PCDHGA4: variants seen among roughly 807,000 people sequenced by gnomAD.
PCDHGA4 encodes the protein protocadherin gamma subfamily A, 4.
Under a neutral mutation model 54.6 loss-of-function variants are expected in PCDHGA4, and 38 were observed. The ratio of observed to expected loss-of-function variants is 0.70; its 90% CI spans 0.54 to 0.91. PCDHGA4 has a LOEUF of 0.91. Ranked by LOEUF, PCDHGA4 falls within the 40% of genes least tolerant of loss-of-function variation. PCDHGA4 has a pLI of 0.00. For synonymous variants in PCDHGA4, 511 were observed against 512.9 expected, an observed-to-expected ratio of 1.00 and a Z score of 0.05; for missense variants, 1,298 against 1,220.9, an observed-to-expected ratio of 1.06 and a Z score of -0.94.
At position 141,486,761 on chromosome 5, in the gene PCDHGA4, A is replaced by G. The variant is rs1368106682; in HGVS notation, c.2515-8046A>G. 1 of 1,614,114 alleles carries G rather than the reference A, an allele frequency of 6.2e-7. No homozygotes were observed. The highest frequency in any genetic ancestry group is 8.5e-7 in the Non-Finnish European group (1 of 1,180,056). ...ATCCTTTGACTATGAGCAAACCCAG[A>G]CACTGCAGTTTGAGGTGCAGGCCCG... On this transcript the variant is annotated intron_variant, in intron 1 of 3. Transcript: ENST00000571252. The surrounding 1 kb of genome is among the most constrained non-coding windows in gnomAD (Gnocchi z 5.0).
intron 1 of PCDHGA4, chr5:141,364,483 C>T: frequency 1.9e-6 from 3 of 1,614,024 alleles, no homozygotes; most frequent in Non-Finnish European, 2.5e-6. Context: ...TAGCCAAGGA[C>T]CTTGGGCTGG....
chr5:141,395,162 G>C, intron 1 of PCDHGA4: 1 of 1,614,148 alleles, frequency 6.2e-7, no homozygotes, highest in Non-Finnish European at 8.5e-7. Flanking sequence ...TCAGTCAGGA[G>C]GGCTGTGAGA....
intron 1 of PCDHGA4, chr5:141,399,529 G>A (rs946281582): frequency 3.1e-6 from 5 of 1,613,892 alleles, no homozygotes; most frequent in Non-Finnish European, 4.2e-6. Flanking sequence ...GGCCTCCATC[G>A]CGCAAGTCTG....
At chr5:141,383,465 C>A (rs199737560) in intron 1 of PCDHGA4, 8 of 1,613,792 alleles carry the variant, frequency 5.0e-6, no homozygotes, top group Non-Finnish European at 5.9e-6. Context: ...GACGATGAAA[C>A]TAAGTACCCG....
intron 1 of PCDHGA4, among the ~76,000 whole-genome samples, chr5:141,449,520 C>T (rs1384869748): frequency 1.4e-5 from 2 of 144,104 alleles, no homozygotes; most frequent in Non-Finnish European, 1.5e-5. Context: ...ACCTGGGAGG[C>T]GGAGGTTGCA....
At chr5:141,425,805 C>T (rs1419480761) in intron 1 of PCDHGA4, among the ~76,000 whole-genome samples, 1 of 152,158 alleles carries the variant, frequency 6.6e-6, no homozygotes, top group African/African-American at 2.4e-5. Context: ...TGCATTGCTT[C>T]TGCTTAGAAA....
chr5:141,453,669 G>T (rs1390396079), intron 1 of PCDHGA4, among the ~76,000 whole-genome samples: 1 of 152,034 alleles, frequency 6.6e-6, no homozygotes, highest in Non-Finnish European at 1.5e-5. Context: ...TTACACAAAA[G>T]GTAACACACT....
At chr5:141,504,986 AC>A (rs1225847397) in intron 2 of PCDHGA4, among the ~76,000 whole-genome samples, 4 of 151,936 alleles carry the variant, frequency 2.6e-5, no homozygotes, top group Non-Finnish European at 5.9e-5. Context: ...ACATGGTGAA[AC>A]CCCGTCTGTA....
chr5:141,431,901 A>G lies in PCDHGA4; in HGVS notation c.2515-62906A>G, dbSNP rs1373642371. 5.0e-6 allele frequency: 8 copies of G among 1,613,872 alleles called. No homozygotes were observed. The highest frequency in any genetic ancestry group is 1.6e-4 in the Middle Eastern group (1 of 6,062). On this transcript the variant is annotated intron_variant, in intron 1 of 3. Coordinates refer to ENST00000571252, the MANE Select transcript of PCDHGA4 (RefSeq NM_018917.4). This position sits in a 1 kb window ranked among gnomAD's most constrained non-coding sequence, Gnocchi z 4.8. Reference sequence around the variant, plus strand: ...GACCAAGATTCTGAGGAAAACGGACAGGTGATCTGTTTCATCCAAGGAAAT... The same window carrying G: ...GACCAAGATTCTGAGGAAAACGGACGGGTGATCTGTTTCATCCAAGGAAAT...
At chr5:141,385,227 A>G (rs781548290) in intron 1 of PCDHGA4, 1 of 1,614,220 alleles carries the variant, frequency 6.2e-7, no homozygotes, top group South Asian at 1.1e-5. Context: ...CCAACTATGT[A>G]GACATGCTCA....
In PCDHGA4 at chr5:141,476,432, G is replaced by A. The variant is rs139089802; in HGVS notation, c.2515-18375G>A. 15 of 1,614,116 alleles carry A rather than the reference G, an allele frequency of 9.3e-6. No individual in the cohort carries two copies. The East Asian group carries it at 3.3e-4, about 36-fold the overall frequency. Reference sequence around the variant, plus strand: ...GTGTGGGACACTGCCCTCTTGCACTGTAACTCTGGAGTTGGTAGTGGAGAA... The same window carrying A: ...GTGTGGGACACTGCCCTCTTGCACTATAACTCTGGAGTTGGTAGTGGAGAA... On this transcript the variant is annotated intron_variant, in intron 1 of 3. Coordinates refer to ENST00000571252, the MANE Select transcript of PCDHGA4 (RefSeq NM_018917.4). The surrounding 1 kb of genome is among the most constrained non-coding windows in gnomAD (Gnocchi z 7.6).
chr5:141,484,962 G>A (rs2099604361), intron 1 of PCDHGA4: 1 of 577,858 alleles, frequency 1.7e-6, no homozygotes, highest in Non-Finnish European at 3.1e-6. Flanking sequence ...GGCTGAGCCC[G>A]GGAGCCGCTG....
chr5:141,405,410 TTTTTGTTTTTTG>T lies in PCDHGA4; in HGVS notation c.2514+47799_2514+47810del, dbSNP rs1345529499. 4 of 1,557,296 alleles carry T rather than the reference TTTTTGTTTTTTG, an allele frequency of 2.6e-6. No individual in the cohort carries two copies. In the South Asian group the frequency reaches 4.6e-5, roughly 18 times the overall value. ...ATTTTTTTTCTTTCTTTCTTTTCTT[TTTTTGTTTTTTG>T]TTTTGTTTTGTTTTTGAGACAGAGT... On this transcript the variant is annotated intron_variant, in intron 1 of 3. Transcript: ENST00000571252.
intron 1 of PCDHGA4, chr5:141,399,117 A>C (rs370431268): frequency 6.2e-6 from 10 of 1,613,848 alleles, no homozygotes; most frequent in Non-Finnish European, 8.5e-6. Flanking sequence ...GTACAGTTGA[A>C]ATTAATATTC....
intron 1 of PCDHGA4, chr5:141,405,119 C>A: frequency 1.2e-6 from 2 of 1,614,024 alleles, no homozygotes; most frequent in South Asian, 1.1e-5. Context: ...GCACTCCTCG[C>A]ATCTGCTGCG....
chr5:141,473,930 G>T (rs966856411), intron 1 of PCDHGA4, among the ~76,000 whole-genome samples: 3 of 152,156 alleles, frequency 2.0e-5, no homozygotes, highest in Admixed American at 6.5e-5. Flanking sequence ...TGAGCTGGGT[G>T]CAGTAGCTCA....
At chr5:141,368,650 G>GA (rs1765784574) in intron 1 of PCDHGA4, among the ~76,000 whole-genome samples, 1 of 152,076 alleles carries the variant, frequency 6.6e-6, no homozygotes, top group Non-Finnish European at 1.5e-5. Context: ...TTGTGCAATG[G>GA]AAAAATATCT....
chr5:141,409,952 C>A (rs892751686), intron 1 of PCDHGA4: 2 of 1,613,350 alleles, frequency 1.2e-6, no homozygotes, highest in Non-Finnish European at 1.7e-6. Context: ...CTCTGCAGAG[C>A]CCGGCTACCT....
In PCDHGA4 at chr5:141,512,470, T is replaced by G. The variant is rs2099884244; in HGVS notation, c.*1297T>G. On this transcript the variant is annotated 3_prime_UTR_variant, in exon 4 of 4. Transcript: ENST00000571252. ...TTCACCTTGCCAGGTGCCGTTTCTC[T>G]TCCGTGAAGGCCACTGCCCAGGTCC... 6.5e-6 allele frequency: 1 copy of G among 152,892 alleles called. No individual in the cohort carries two copies. The highest frequency in any genetic ancestry group is 2.1e-4 in the South Asian group (1 of 4,834). 9.5% of individuals were successfully genotyped at this position (152,892 alleles called of 1,614,324 possible).
Sources: gnomAD v4.1 joint callset for allele counts (sites outside exome capture counted in the v4.1 genomes callset) on GRCh38, gnomAD v4.1.1 for gene constraint, Gnocchi (gnomAD v3.1) non-coding constraint, MANE v1.5 for transcripts, NCBI Gene and HGNC (gene_info 2026-07-23, HGNC 2026-07-21) for gene names.